Variants in SNAI1 observed in about 807,000 individuals in gnomAD.
The protein encoded by SNAI1 is snail family transcriptional repressor 1.
Under a neutral mutation model 24.7 loss-of-function variants are expected in SNAI1, and 15 were observed. That is an observed-to-expected ratio of 0.61 (90% confidence interval 0.41 to 0.93). SNAI1 has a LOEUF of 0.93. Among genes scored for constraint, SNAI1 ranks in the 40% least tolerant of loss-of-function variants. The pLI is 0.00. For missense variants in SNAI1, 283 were observed against 336.7 expected (o/e 0.84, Z 1.25); for synonymous variants, 163 against 142.9 (o/e 1.14, Z -1.00).
At chr20:49,983,359 C>G (rs2078322880) in intron 1 of SNAI1, among the ~76,000 whole-genome samples, 1 of 150,040 alleles carries the variant, frequency 6.7e-6, no homozygotes, top group African/African-American at 2.5e-5. Context: ...GGGTCTTCAG[C>G]TTGGGGGGCC....
intron 2 of SNAI1, among the ~76,000 whole-genome samples, chr20:49,984,637 G>A (rs2078328310): frequency 6.6e-6 from 1 of 152,234 alleles, no homozygotes. Context: ...TGCTGTGGGG[G>A]CCAGGTGTGA....
At position 49,983,985 on chromosome 20, in the gene SNAI1, A is replaced by G; in HGVS notation, c.244A>G (p.Ser82Gly). 6.2e-7 allele frequency: 1 copy of G among 1,612,948 alleles called. No individual in the cohort carries two copies. Among genetic ancestry groups the G allele is most frequent in the Non-Finnish European group, 8.5e-7 (1 of 1,179,538 alleles). ...IAWASLRLQESPRVAELTSLS... is the reference protein window; with the variant it reads ...IAWASLRLQEGPRVAELTSLS... ...CTGGGCCTCCCTTCGGCTCCAGGAG[A>G]GTCCCAGGGTGGCAGAGCTGACCTC... Residue 82 changes from serine to glycine, a missense_variant, in exon 2 of 3, where the codon AGT becomes GGT. Ser to Gly is a moderately conservative substitution (Grantham distance 56). Transcript: ENST00000244050.
chr20:49,984,275 G>A lies in SNAI1; in HGVS notation c.534G>A (p.Leu178=), dbSNP rs1474549884. 6.2e-7 allele frequency: 1 copy of A among 1,613,996 alleles called. No homozygotes were observed. The highest frequency in any genetic ancestry group is 1.7e-5 in the Admixed American group (1 of 59,970). ...ALKMHIRSHT[L]PCVCGTCGKA... ...AGATGCACATCCGAAGCCACACGCT[G>A]CCCTGCGTCTGCGGAACCTGCGGGA... is the stretch of plus-strand genomic sequence containing the variant. Residue 178 remains leucine, a synonymous_variant, in exon 2 of 3, where the codon CTG becomes CTA. Transcript: ENST00000244050.
intron 2 of SNAI1, among the ~76,000 whole-genome samples, chr20:49,984,785 G>A (rs1028183275): frequency 1.3e-5 from 2 of 152,224 alleles, no homozygotes; most frequent in African/African-American, 4.8e-5. Flanking sequence ...TCTTCTGTGA[G>A]CCTCATTTTC....
Position 49,983,043 on chromosome 20 carries a change from C to G in SNAI1, c.-17C>G, listed in dbSNP as rs765415220. 5 of 1,608,726 alleles carry G rather than the reference C, an allele frequency of 3.1e-6. No individual in the cohort carries two copies. In the African/African-American group the frequency reaches 5.4e-5, roughly 17 times the overall value. On this transcript the variant is annotated 5_prime_UTR_variant, in exon 1 of 3. Transcript: ENST00000244050. Reference sequence around the variant, plus strand: ...GCTACTGCTGCGCGAATCGGCGACCCCAGTGCCTCGACCACTATGCCGCGC... The same window carrying G: ...GCTACTGCTGCGCGAATCGGCGACCGCAGTGCCTCGACCACTATGCCGCGC...
In SNAI1 at chr20:49,988,214, A is replaced by G. The variant is rs41283590; in HGVS notation, c.*158A>G. On this transcript the variant is annotated 3_prime_UTR_variant, in exon 3 of 3. Transcript: ENST00000244050. ...GCCCCACAGGACTTTGATGAAGACC[A>G]TTTTCTGGTTCTGTGTCCTCTGCCT... 1.4e-5 allele frequency: 9 copies of G among 632,580 alleles called. No homozygotes were observed. The highest frequency in any genetic ancestry group is 2.4e-5 in the Non-Finnish European group (9 of 378,466). 39.2% of individuals were successfully genotyped at this position (632,580 alleles called of 1,614,324 possible).
At chr20:49,987,258 C>A (rs936286913) in intron 2 of SNAI1, among the ~76,000 whole-genome samples, 1 of 152,050 alleles carries the variant, frequency 6.6e-6, no homozygotes, top group Non-Finnish European at 1.5e-5. Flanking sequence ...AGTGGCCTAA[C>A]CAGCTTGGAG....
At chr20:49,983,557 G>T (rs1031138274) in intron 1 of SNAI1, among the ~76,000 whole-genome samples, 3 of 151,684 alleles carry the variant, frequency 2.0e-5, no homozygotes, top group African/African-American at 7.3e-5. Flanking sequence ...TGGGATGATG[G>T]GGTTCTGGCC....
At chr20:49,985,475 A>G (rs2078330959) in intron 2 of SNAI1, among the ~76,000 whole-genome samples, 1 of 152,206 alleles carries the variant, frequency 6.6e-6, no homozygotes, top group Admixed American at 6.5e-5. Context: ...TAAAGGTCCA[A>G]CTGCCTGGCC....
At chr20:49,984,454 A>G (rs1377991636) in intron 2 of SNAI1, 103 bp downstream of exon 2, 4 of 1,187,190 alleles carry the variant, frequency 3.4e-6, no homozygotes, top group Non-Finnish European at 4.6e-6. Flanking sequence ...TGAGGCCCCG[A>G]GTCTTCTAAC....
rs190995332 is a variant in SNAI1 at position 49,984,452 on chromosome 20, C to T, written c.610+101C>T. 124 of 1,197,678 alleles carry T rather than the reference C, an allele frequency of 1.0e-4. No individual in the cohort carries two copies. In the African/African-American group the frequency reaches 1.3e-3, roughly 13 times the overall value. 74.2% of individuals were successfully genotyped at this position (1,197,678 alleles called of 1,614,324 possible). ...CCCAAAGCTGTGGACACTGAGGCCC[C>T]GAGTCTTCTAACTTCTAGCTCAAGT... is the stretch of plus-strand genomic sequence containing the variant. On this transcript the variant is annotated intron_variant, in intron 2 of 2. Coordinates refer to ENST00000244050, the MANE Select transcript of SNAI1 (RefSeq NM_005985.4).
Position 49,988,603 on chromosome 20 carries a change from G to GT in SNAI1, c.*548dup, listed in dbSNP as rs1480050213. 5.9e-5 allele frequency: 9 copies of GT among 152,916 alleles called. No individual in the cohort carries two copies. Among genetic ancestry groups the GT allele is most frequent in the African/African-American group, 1.9e-4 (8 of 41,572 alleles). 9.5% of individuals were successfully genotyped at this position (152,916 alleles called of 1,614,324 possible). On this transcript the variant is annotated 3_prime_UTR_variant, in exon 3 of 3. Transcript: ENST00000244050. ...GGCAGCTATTTCAGCCTCCTGTTTGGTGGGGTGGCACCTGTTTCCCGGGCA... is the reference window on the plus strand; with the variant it reads ...GGCAGCTATTTCAGCCTCCTGTTTGGTTGGGGTGGCACCTGTTTCCCGGGCA...
In SNAI1 at chr20:49,983,941, C is replaced by G. The variant is rs1417642689; in HGVS notation, c.200C>G (p.Pro67Arg). 1 of 1,613,570 alleles carries G rather than the reference C, an allele frequency of 6.2e-7. No individual in the cohort carries two copies. ...PMLIWDSVLA[P>R]QAQPIAWASL... ...CTCATCTGGGACTCTGTCCTGGCGC[C>G]CCAAGCCCAGCCAATTGCCTGGGCC... Residue 67 changes from proline (P) to arginine (R), a missense_variant, in exon 2 of 3, where the codon CCC (proline) becomes CGC (arginine). By Grantham distance (103) the Pro-to-Arg change is moderately radical. Coordinates refer to ENST00000244050, the MANE Select transcript of SNAI1 (RefSeq NM_005985.4).
rs138678130 is a variant in SNAI1, at chr20:49,983,058, C to T, written c.-2C>T. ...ATCGGCGACCCCAGTGCCTCGACCA[C>T]TATGCCGCGCTCTTTCCTCGTCAGG... is the stretch of plus-strand genomic sequence containing the variant. On this transcript the variant is annotated 5_prime_UTR_variant, in exon 1 of 3. Transcript: ENST00000244050. 1.9e-6 allele frequency: 3 copies of T among 1,613,034 alleles called. No homozygotes were observed. The African/African-American group carries it at 4.0e-5, about 22-fold the overall frequency.
At chr20:49,987,097 G>A (rs945956462) in intron 2 of SNAI1, among the ~76,000 whole-genome samples, 2 of 152,232 alleles carry the variant, frequency 1.3e-5, no homozygotes, top group Non-Finnish European at 2.9e-5. Flanking sequence ...ATAGAAAGGG[G>A]CCCAGGCCCT....
chr20:49,983,287 A>G, intron 1 of SNAI1, 146 bp downstream of exon 1: 1 of 688,774 alleles, frequency 1.5e-6, no homozygotes, highest in Non-Finnish European at 2.6e-6. Context: ...GAGACCGGGC[A>G]AGTGGGTCCC....
chr20:49,986,791 A>G (rs945870452), intron 2 of SNAI1, among the ~76,000 whole-genome samples: 1 of 152,148 alleles, frequency 6.6e-6, no homozygotes, highest in African/African-American at 2.4e-5. Context: ...TTAATGGGTT[A>G]CTGTTATGAC....
intron 2 of SNAI1, 143 bp downstream of exon 2, chr20:49,984,494 C>G (rs1028543397): frequency 1.2e-6 from 1 of 865,918 alleles, no homozygotes; most frequent in Non-Finnish European, 1.7e-6. Flanking sequence ...GCCTGGCTCT[C>G]TGGAAACGTT....
intron 2 of SNAI1, among the ~76,000 whole-genome samples, chr20:49,986,428 A>G (rs2078334079): frequency 6.6e-6 from 1 of 152,144 alleles, no homozygotes; most frequent in Non-Finnish European, 1.5e-5. Flanking sequence ...CTGGTAGCTC[A>G]GTGTGGCACC....
Sources: gnomAD v4.1 joint callset for allele counts (sites outside exome capture counted in the v4.1 genomes callset) on GRCh38, gnomAD v4.1.1 for gene constraint, MANE v1.5 for transcripts, NCBI Gene and HGNC (gene_info 2026-07-23, HGNC 2026-07-21) for gene names.